APBB1IP: variants seen among roughly 807,000 people sequenced by gnomAD.
APBB1IP encodes the protein amyloid beta precursor protein binding family B member 1 interacting protein, also known as amyloid beta A4 precursor protein-binding family B member 1-interacting protein.
Under a neutral mutation model 64.9 loss-of-function variants are expected in APBB1IP, and 27 were observed. The ratio of observed to expected loss-of-function variants is 0.42; its 90% CI spans 0.31 to 0.57. The LOEUF is 0.57. Among genes scored for constraint, APBB1IP ranks in the 20% least tolerant of loss-of-function variants. The pLI is 0.20. For synonymous variants in APBB1IP, 392 were observed against 331.0 expected, an observed-to-expected ratio of 1.18 and a Z score of -2.00; for missense variants, 812 against 845.5, an observed-to-expected ratio of 0.96 and a Z score of 0.49.
At chr10:26,487,713 A>G (rs1006932538) in intron 2 of APBB1IP, among the ~76,000 whole-genome samples, 4 of 152,144 alleles carry the variant, frequency 2.6e-5, no homozygotes, top group Non-Finnish European at 5.9e-5. Context: ...AACCTGTTAT[A>G]TAGCAGTGGT....
chr10:26,548,001 G>T (rs1245082371), intron 11 of APBB1IP, among the ~76,000 whole-genome samples: 1 of 151,956 alleles, frequency 6.6e-6, no homozygotes, highest in South Asian at 2.1e-4. Context: ...TTGTTCCATT[G>T]GTCTATGTGT....
chr10:26,539,526 A>G (rs1447399858), intron 10 of APBB1IP, among the ~76,000 whole-genome samples: 2 of 152,100 alleles, frequency 1.3e-5, no homozygotes, highest in Non-Finnish European at 2.9e-5. Context: ...AAAAGAAAAT[A>G]TAGGTTAATG....
intron 10 of APBB1IP, among the ~76,000 whole-genome samples, chr10:26,537,213 G>A (rs1347254933): frequency 2.6e-5 from 4 of 152,066 alleles, no homozygotes; most frequent in African/African-American, 4.8e-5. Flanking sequence ...TTGGGTACGC[G>A]GAAGCATTTT....
intron 2 of APBB1IP, among the ~76,000 whole-genome samples, chr10:26,458,215 G>A (rs778462325): frequency 6.6e-6 from 1 of 152,128 alleles, no homozygotes; most frequent in Non-Finnish European, 1.5e-5. Context: ...CGGTGAAACC[G>A]CGTCTCTATT....
At chr10:26,497,721 A>ATTTT (rs895511347) in intron 4 of APBB1IP, among the ~76,000 whole-genome samples, 2 of 100,330 alleles carry the variant, frequency 2.0e-5, no homozygotes, top group East Asian at 3.2e-4. Flanking sequence ...TGTCCTCTGG[A>ATTTT]TTTTTTTTTT....
rs1045509412 is a variant in APBB1IP, at chr10:26,567,280, T to G, written c.1793T>G (p.Leu598Arg). Residue 598 changes from leucine (L) to arginine (R), a missense_variant, in exon 15 of 15, where the codon CTG (leucine) becomes CGG (arginine). Leu to Arg is a moderately radical substitution (Grantham distance 102). This residue lies in a region of APBB1IP where 381 missense variants were observed against 352.1 expected (regional missense o/e 1.08). Transcript: ENST00000376236. ...PSYAGIAGSELPPPPPPPPAP... is the reference protein window; with the variant it reads ...PSYAGIAGSERPPPPPPPPAP... ...TACGCAGGGATCGCGGGCTCAGAGC[T>G]GCCCCCGCCGCCGCCGCCGCCGCCC... 2 of 1,124,320 alleles carry G rather than the reference T, an allele frequency of 1.8e-6. No individual in the cohort carries two copies. The highest frequency in any genetic ancestry group is 5.0e-5 in the Admixed American group (1 of 20,122). The allele number at this position is 1,124,320 out of a possible 1,614,324, so 69.6% of individuals were successfully genotyped here.
At chr10:26,522,919 G>A (rs787062) in intron 8 of APBB1IP, among the ~76,000 whole-genome samples, 35,429 of 148,984 alleles carry the variant, frequency 0.24, 4,336 homozygotes, top group East Asian at 0.36. Context: ...CAGGAGAATC[G>A]CTTGAACCCG....
intron 8 of APBB1IP, among the ~76,000 whole-genome samples, chr10:26,516,403 C>G (rs1430194042): frequency 6.6e-6 from 1 of 151,430 alleles, no homozygotes; most frequent in African/African-American, 2.4e-5. Context: ...CTTAGCCAGG[C>G]ATGGTGGTGG....
chr10:26,462,291 A>G (rs1209458188), intron 2 of APBB1IP, among the ~76,000 whole-genome samples: 2 of 152,240 alleles, frequency 1.3e-5, no homozygotes, highest in Non-Finnish European at 2.9e-5. Flanking sequence ...ACTAAATAGT[A>G]GCAATAATGG....
At chr10:26,488,728 C>T (rs929511150) in intron 2 of APBB1IP, among the ~76,000 whole-genome samples, 7 of 152,180 alleles carry the variant, frequency 4.6e-5, no homozygotes, top group Non-Finnish European at 1.0e-4. Context: ...CAAAATAGGA[C>T]AAGGATCTTC....
At chr10:26,450,600 A>G (rs991040845) in intron 2 of APBB1IP, among the ~76,000 whole-genome samples, 5 of 151,506 alleles carry the variant, frequency 3.3e-5, no homozygotes, top group Admixed American at 2.6e-4. Flanking sequence ...GTTTTGGACA[A>G]TTACTCTTTG....
chr10:26,459,160 A>G lies in APBB1IP; in HGVS notation c.-1+20307A>G, dbSNP rs371695962. 3.6e-4 allele frequency among the ~76,000 whole-genome samples: 50 copies of G among 138,734 alleles called. No individual in the cohort carries two copies. In the East Asian group the frequency reaches 1.0e-2, roughly 28 times the overall value. The allele number at this position is 138,734 out of a possible 152,430, so 91.0% of individuals were successfully genotyped here. Reference sequence around the variant, plus strand: ...TGTGTCCATGTGTTCTCATTGTTCAATTCCCACCTATGAGTGAGAACATGC... The same window carrying G: ...TGTGTCCATGTGTTCTCATTGTTCAGTTCCCACCTATGAGTGAGAACATGC... On this transcript the variant is annotated intron_variant, in intron 2 of 14. Transcript: ENST00000376236.
chr10:26,556,107 T>C (rs1273808806), intron 11 of APBB1IP, among the ~76,000 whole-genome samples: 2 of 152,234 alleles, frequency 1.3e-5, no homozygotes, highest in African/African-American at 4.8e-5. Flanking sequence ...CTGACCTCTG[T>C]GTGCTGTTCT....
chr10:26,443,208 G>A (rs1194726780), intron 2 of APBB1IP, among the ~76,000 whole-genome samples: 2 of 151,820 alleles, frequency 1.3e-5, no homozygotes, highest in Non-Finnish European at 2.9e-5. Flanking sequence ...GATCACTTGA[G>A]GTCAGGAGTT....
At position 26,567,245 on chromosome 10, in the gene APBB1IP, CCCG is replaced by C. The variant is rs1055893096; in HGVS notation, c.1762_1764del (p.Pro588del). ...CGCCCCCAGACTTCGTGCCCCCGCC[CCCG>C]CCGTCGTACGCAGGGATCGCGGGCT... On this transcript the variant is annotated inframe_deletion, in exon 15 of 15. Coordinates refer to ENST00000376236, the MANE Select transcript of APBB1IP (RefSeq NM_019043.4). 7.2e-5 allele frequency: 96 copies of C among 1,329,812 alleles called. No individual in the cohort carries two copies. The highest frequency in any genetic ancestry group is 9.1e-5 in the Non-Finnish European group (95 of 1,039,564). 82.4% of individuals were successfully genotyped at this position (1,329,812 alleles called of 1,614,324 possible).
chr10:26,464,030 T>C (rs1014287089), intron 2 of APBB1IP, among the ~76,000 whole-genome samples: 1 of 152,226 alleles, frequency 6.6e-6, no homozygotes, highest in African/African-American at 2.4e-5. Flanking sequence ...TGGTTGTCCC[T>C]GGATTCCCAT....
chr10:26,490,632 G>GA (rs1212450444), intron 2 of APBB1IP, among the ~76,000 whole-genome samples: 2 of 151,386 alleles, frequency 1.3e-5, no homozygotes, highest in African/African-American at 2.4e-5. Flanking sequence ...TCTCAAAAAA[G>GA]AAAAAAAGAA....
At chr10:26,543,099 A>G (rs1836716524) in intron 11 of APBB1IP, among the ~76,000 whole-genome samples, 1 of 151,306 alleles carries the variant, frequency 6.6e-6, no homozygotes. Context: ...CCCCAGAATA[A>G]TGACTGTGAA....
intron 11 of APBB1IP, among the ~76,000 whole-genome samples, chr10:26,556,916 G>A (rs773717414): frequency 5.9e-5 from 9 of 152,196 alleles, no homozygotes; most frequent in Non-Finnish European, 1.2e-4. Context: ...TCAGAGAGCC[G>A]TGTTTCTGGT....
Sources: allele counts gnomAD v4.1 joint callset (sites outside exome capture counted in the v4.1 genomes callset), GRCh38; gene constraint gnomAD v4.1.1; regional missense constraint gnomAD v4.1.1; transcripts MANE v1.5; gene names NCBI Gene and HGNC (gene_info 2026-07-23, HGNC 2026-07-21).